The following ZNF292 variants were observed in gnomAD, a reference collection of about 807,000 sequenced individuals.
ZNF292 encodes the protein zinc finger protein 292, also known as 16 zinc-finger domain protein.
A neutral mutation model predicts 217.9 loss-of-function variants in ZNF292; 26 were observed. The observed-to-expected ratio is 0.12, with a 90% confidence interval of 0.09 to 0.17. ZNF292 has a LOEUF of 0.17. Ranked by LOEUF, ZNF292 falls within the 10% of genes least tolerant of loss-of-function variation. The probability of loss-of-function intolerance (pLI) is 1.00; values close to 1 mark genes in which losing one functional copy is unlikely to be tolerated. For missense variants in ZNF292, 2,904 were observed against 3,175.2 expected, an observed-to-expected ratio of 0.91 and a Z score of 2.05; for synonymous variants, 1,257 against 1,124.1, an observed-to-expected ratio of 1.12 and a Z score of -2.37.
chr6:87,257,016 A>G lies in ZNF292; in HGVS notation c.3387A>G (p.Ala1129=). Reference sequence around the variant, plus strand: ...CAGCACACCCTGACCAATATGCTGCATTTAAAATGCAGCGCAAAAGTAAAA... The same window carrying G: ...CAGCACACCCTGACCAATATGCTGCGTTTAAAATGCAGCGCAAAAGTAAAA... ...MKTAHPDQYA[A]FKMQRKSKKG... is the part of the protein sequence containing the mutation. Residue 1129 remains alanine, a synonymous_variant, in exon 8 of 8, where the codon GCA becomes GCG. Coordinates refer to ENST00000369577, the MANE Select transcript of ZNF292 (RefSeq NM_015021.3). 9.9e-6 allele frequency: 16 copies of G among 1,613,782 alleles called. No homozygotes were observed. The highest frequency in any genetic ancestry group is 1.3e-5 in the Non-Finnish European group (15 of 1,179,792).
intron 1 of ZNF292, among the ~76,000 whole-genome samples, chr6:87,193,078 CT>C (rs777858638): frequency 1.3e-4 from 20 of 152,196 alleles, no homozygotes; most frequent in African/African-American, 4.3e-4. Context: ...CAGCCTCCAC[CT>C]TTGGGCTCAA....
At position 87,257,707 on chromosome 6, in the gene ZNF292, C is replaced by A; in HGVS notation, c.4078C>A (p.His1360Asn). 6.2e-7 allele frequency: 1 copy of A among 1,613,082 alleles called. No homozygotes were observed. Among genetic ancestry groups the A allele is most frequent in the East Asian group, 2.2e-5 (1 of 44,824 alleles). The change falls in exon 8 of 8, where the codon CAC (histidine) becomes AAC (asparagine). Residue 1360 changes from histidine to asparagine, a missense_variant. By Grantham distance (68) the His-to-Asn change is moderately conservative. Transcript: ENST00000369577. ...GPNGKERKPK[H>N]NKRAKWPAII... is the part of the protein sequence containing the mutation. ...AAATGGGAAGGAAAGAAAACCTAAG[C>A]ACAACAAAAGGGCTAAATGGCCTGC...
At chr6:87,240,454 C>T (rs915793753) in intron 5 of ZNF292, among the ~76,000 whole-genome samples, 1 of 152,068 alleles carries the variant, frequency 6.6e-6, no homozygotes, top group Admixed American at 6.5e-5. Context: ...CAGAGTTTTG[C>T]TCTTGTTGCC....
At chr6:87,163,980 T>C (rs1770833234) in intron 1 of ZNF292, among the ~76,000 whole-genome samples, 1 of 152,196 alleles carries the variant, frequency 6.6e-6, no homozygotes, top group South Asian at 2.1e-4. Context: ...TCCTTCTGAG[T>C]TTGAGGCATT....
intron 1 of ZNF292, among the ~76,000 whole-genome samples, chr6:87,187,296 T>C (rs1771693632): frequency 6.6e-6 from 1 of 151,892 alleles, no homozygotes; most frequent in South Asian, 2.1e-4. Context: ...TTACTAAATC[T>C]CTGTACTCAT....
chr6:87,156,925 A>G (rs1770563337), intron 1 of ZNF292, among the ~76,000 whole-genome samples: 1 of 152,206 alleles, frequency 6.6e-6, no homozygotes, highest in Admixed American at 6.5e-5. Context: ...AGAAGACACA[A>G]TTTACACAGG....
intron 7 of ZNF292, among the ~76,000 whole-genome samples, chr6:87,245,903 T>C (rs1774553357): frequency 6.6e-6 from 1 of 152,236 alleles, no homozygotes; most frequent in African/African-American, 2.4e-5. Flanking sequence ...GTTTTGGTTC[T>C]AGGGGTTATA....
intron 1 of ZNF292, among the ~76,000 whole-genome samples, chr6:87,166,815 C>G (rs1770931616): frequency 6.6e-6 from 1 of 152,066 alleles, no homozygotes; most frequent in African/African-American, 2.4e-5. Context: ...GCTCTATGTC[C>G]TCAGATTTTG....
At chr6:87,172,982 T>A (rs190411049) in intron 1 of ZNF292, among the ~76,000 whole-genome samples, 1 of 152,078 alleles carries the variant, frequency 6.6e-6, no homozygotes, top group Admixed American at 6.6e-5. Context: ...CAAATAAAAT[T>A]AAAAACCTAT....
intron 5 of ZNF292, among the ~76,000 whole-genome samples, chr6:87,241,152 C>T (rs1774263799): frequency 6.6e-6 from 1 of 152,116 alleles, no homozygotes; most frequent in Non-Finnish European, 1.5e-5. Context: ...GGCGTGGTGG[C>T]ACGCACCTGT....
At chr6:87,218,552 A>C (rs1772902206) in intron 3 of ZNF292, 44 bp from the exon 4 acceptor site, 1 of 1,477,612 alleles carries the variant, frequency 6.8e-7, no homozygotes, top group Non-Finnish European at 9.0e-7. Flanking sequence ...GCTTGCTTTT[A>C]AAAATCTGTT....
At position 87,218,744 on chromosome 6, in the gene ZNF292, G is replaced by C. The variant is rs1772916398; in HGVS notation, c.538+13G>C. 1 of 1,557,490 alleles carries C rather than the reference G, an allele frequency of 6.4e-7. No individual in the cohort carries two copies. Among genetic ancestry groups the C allele is most frequent in the Non-Finnish European group, 8.6e-7 (1 of 1,159,246 alleles). On this transcript the variant is annotated intron_variant, in intron 4 of 7. Transcript: ENST00000369577. Reference sequence around the variant, plus strand: ...GATAAGGATAAAGGTAAATTTTCGAGAGACAGAGAAAAAAAAGAATAATTA... The same window carrying C: ...GATAAGGATAAAGGTAAATTTTCGACAGACAGAGAAAAAAAAGAATAATTA...
chr6:87,226,493 A>G (rs1773349391), intron 4 of ZNF292, among the ~76,000 whole-genome samples: 1 of 151,626 alleles, frequency 6.6e-6, no homozygotes, highest in African/African-American at 2.4e-5. Flanking sequence ...CATGCAGATT[A>G]TACCCTACTA....
At chr6:87,250,718 A>G (rs1455285656) in intron 7 of ZNF292, among the ~76,000 whole-genome samples, 2 of 152,248 alleles carry the variant, frequency 1.3e-5, no homozygotes, top group Non-Finnish European at 2.9e-5. Flanking sequence ...CTAAAGGACA[A>G]CTGTAATTAA....
At chr6:87,181,404 C>T (rs1428438271) in intron 1 of ZNF292, among the ~76,000 whole-genome samples, 1 of 152,166 alleles carries the variant, frequency 6.6e-6, no homozygotes, top group Non-Finnish European at 1.5e-5. Context: ...CCCTGCTGCT[C>T]TCTGCCGCTC....
intron 1 of ZNF292, among the ~76,000 whole-genome samples, chr6:87,156,547 A>T (rs1261508668): frequency 6.6e-6 from 1 of 152,100 alleles, no homozygotes; most frequent in African/African-American, 2.4e-5. Context: ...CCCTTCGAGG[A>T]GTATGATTTC....
rs1270537528 is a variant in ZNF292, at chr6:87,155,602, AAGAGGCC to A, written c.12_18del (p.Glu5SerfsTer5). 6.3e-7 allele frequency: 1 copy of A among 1,580,708 alleles called. No homozygotes were observed. Among genetic ancestry groups the A allele is most frequent in the Admixed American group, 1.8e-5 (1 of 54,442 alleles). On this transcript the variant is annotated frameshift_variant, in exon 1 of 8. Coordinates refer to ENST00000369577, the MANE Select transcript of ZNF292 (RefSeq NM_015021.3). LOFTEE classifies it high-confidence loss of function. ...GAGCGGGGTGTGAAGATGGCGGACG[AAGAGGCC>A]GAGCAGGAGAGGTTGAGTTGCGGCG...
chr6:87,245,431 A>G (rs1277933724), intron 6 of ZNF292, 72 bp from the exon 7 acceptor site: 1 of 1,141,202 alleles, frequency 8.8e-7, no homozygotes, highest in Non-Finnish European at 1.2e-6. Context: ...TTCAAATGTA[A>G]TGACTGGACT....
At chr6:87,221,929 T>G (rs73754123) in intron 4 of ZNF292, among the ~76,000 whole-genome samples, 110 of 152,270 alleles carry the variant, frequency 7.2e-4, no homozygotes, top group Middle Eastern at 3.4e-3. Context: ...ATTACGTTTT[T>G]GGGCAGCCAT....
Sources: allele counts gnomAD v4.1 joint callset (sites outside exome capture counted in the v4.1 genomes callset), GRCh38; gene constraint gnomAD v4.1.1; transcripts MANE v1.5; gene names NCBI Gene and HGNC (gene_info 2026-07-23, HGNC 2026-07-21).